PBX1: variants seen among roughly 807,000 people sequenced by gnomAD.
PBX1 encodes the protein PBX homeobox 1.
A neutral mutation model predicts 53.4 loss-of-function variants in PBX1; 6 were observed. The observed-to-expected ratio is 0.11, with a 90% CI of 0.06 to 0.22. The LOEUF (loss-of-function observed/expected upper bound fraction) is 0.22, where lower values mean the gene tolerates loss of function less well. PBX1 is among the 10% of genes least tolerant of loss of function. The probability of loss-of-function intolerance (pLI) is 1.00; values close to 1 mark genes in which losing one functional copy is unlikely to be tolerated. For synonymous variants in PBX1, 204 were observed against 212.3 expected (o/e 0.96, Z 0.34); for missense variants, 251 against 551.4 (o/e 0.46, Z 5.46).
intron 2 of PBX1, among the ~76,000 whole-genome samples, chr1:164,623,494 C>T (rs186016020): frequency 1.4e-4 from 21 of 152,336 alleles, no homozygotes; most frequent in Non-Finnish European, 2.6e-4. Context: ...GGTCTAATTC[C>T]CACACAGGTG....
rs184985844 is a variant in PBX1, at chr1:164,788,574, A to G, written c.266-3920A>G. ...CACAGCCCAAATCCACCAGAACTGA[A>G]TTTTCTATGCAAAATAGTGCAAGAT... is the stretch of plus-strand genomic sequence containing the variant. On this transcript the variant is annotated intron_variant, in intron 2 of 8. Transcript: ENST00000420696. Among the ~76,000 whole-genome samples, 105 of 152,044 alleles carry G rather than the reference A, an allele frequency of 6.9e-4. 1 individual carries two copies. In the East Asian group the frequency reaches 0.015, roughly 21 times the overall value.
At position 164,848,433 on chromosome 1, in the gene PBX1, A is replaced by AAT. The variant is rs1434508850; in HGVS notation, c.*1758_*1759dup. On this transcript the variant is annotated 3_prime_UTR_variant, in exon 9 of 9. Coordinates refer to ENST00000420696, the MANE Select transcript of PBX1 (RefSeq NM_002585.4). ...TGAGAAGTTGATTTTGTTCATATCC[A>AAT]ATCTGTAAATGCGAAGTCAGGGGAA... The AAT allele has an allele frequency of 1.9e-6, 2 of 1,056,120 alleles. No individual in the cohort carries two copies. Among genetic ancestry groups the AAT allele is most frequent in the African/African-American group, 3.3e-5 (2 of 60,578 alleles). 65.4% of individuals were successfully genotyped at this position (1,056,120 alleles called of 1,614,324 possible).
At chr1:164,793,872 C>CCTT (rs1553247240) in intron 3 of PBX1, among the ~76,000 whole-genome samples, 5 of 78,214 alleles carry the variant, frequency 6.4e-5, no homozygotes, top group African/African-American at 1.5e-4. Context: ...TTTTTCCTTT[C>CCTT]TTTTTTTTTT....
chr1:164,857,389 A>C (rs1424028871), intron 2 of PBX1, among the ~76,000 whole-genome samples: 2 of 142,554 alleles, frequency 1.4e-5, no homozygotes, highest in African/African-American at 5.2e-5. Flanking sequence ...GGGGTGTGCC[A>C]CCCTCCTGGC....
chr1:164,736,900 G>A (rs1665322780), intron 2 of PBX1, among the ~76,000 whole-genome samples: 1 of 152,198 alleles, frequency 6.6e-6, no homozygotes, highest in South Asian at 2.1e-4. Flanking sequence ...AAAGGAGAGT[G>A]GGAATATGGT....
intron 2 of PBX1, among the ~76,000 whole-genome samples, chr1:164,790,149 G>A (rs1323414387): frequency 6.6e-6 from 1 of 152,120 alleles, no homozygotes; most frequent in Non-Finnish European, 1.5e-5. Context: ...TTCAGGGCAT[G>A]GTTACAGCAG....
Position 164,669,204 on chromosome 1 carries a change from T to C in PBX1, c.265+105893T>C, listed in dbSNP as rs1281175896. On this transcript the variant is annotated intron_variant, in intron 2 of 8. Coordinates refer to ENST00000420696, the MANE Select transcript of PBX1 (RefSeq NM_002585.4). ...GGAACACTAGTTGTGTTGGCAATTATGTTAATGGGATGCTATTAGGCTATG... is the reference window on the plus strand; with the variant it reads ...GGAACACTAGTTGTGTTGGCAATTACGTTAATGGGATGCTATTAGGCTATG... 5.3e-5 allele frequency among the ~76,000 whole-genome samples: 8 copies of C among 152,148 alleles called. No individual in the cohort carries two copies. In the South Asian group the frequency reaches 1.7e-3, roughly 32 times the overall value.
chr1:164,717,823 C>G (rs1272326333), intron 2 of PBX1, among the ~76,000 whole-genome samples: 1 of 152,142 alleles, frequency 6.6e-6, no homozygotes, highest in Admixed American at 6.5e-5. Flanking sequence ...TTAATATTAC[C>G]TGCTCCCTGT....
At chr1:164,876,949 G>T (rs190916887) in intron 2 of PBX1, among the ~76,000 whole-genome samples, 1 of 152,230 alleles carries the variant, frequency 6.6e-6, no homozygotes, top group Non-Finnish European at 1.5e-5. Context: ...TCACAGCCCC[G>T]CAGAGCCTCG....
chr1:164,793,863 T>TTTTTTC (rs142630209), intron 3 of PBX1, among the ~76,000 whole-genome samples: 26 of 129,766 alleles, frequency 2.0e-4, no homozygotes, highest in African/African-American at 5.2e-4. Context: ...TTTCTTTTTT[T>TTTTTTC]TTTCCTTTCT....
chr1:164,757,969 C>T (rs1241972111), intron 2 of PBX1, among the ~76,000 whole-genome samples: 3 of 152,238 alleles, frequency 2.0e-5, no homozygotes, highest in South Asian at 4.1e-4. Context: ...TAAAATTGTA[C>T]CTCATGGCAT....
At chr1:164,839,405 T>C (rs994668642) in intron 8 of PBX1, among the ~76,000 whole-genome samples, 4 of 152,216 alleles carry the variant, frequency 2.6e-5, no homozygotes, top group African/African-American at 9.6e-5. Flanking sequence ...CAAAAACATA[T>C]GGTGCTCACT....
At chr1:164,629,856 G>C (rs961935635) in intron 2 of PBX1, among the ~76,000 whole-genome samples, 1 of 152,122 alleles carries the variant, frequency 6.6e-6, no homozygotes, top group Non-Finnish European at 1.5e-5. Context: ...TCAAAGGTAG[G>C]AGTTTCTGTA....
intron 2 of PBX1, among the ~76,000 whole-genome samples, chr1:164,715,118 A>G (rs1664012654): frequency 6.6e-6 from 1 of 152,160 alleles, no homozygotes; most frequent in African/African-American, 2.4e-5. Context: ...GAGCTGCTCA[A>G]TAAATGTTCA....
chr1:164,594,160 A>G (rs1174062851), intron 2 of PBX1, among the ~76,000 whole-genome samples: 2 of 152,230 alleles, frequency 1.3e-5, no homozygotes, highest in African/African-American at 4.8e-5. Context: ...TTGAGCCTCT[A>G]TAAAGACATG....
intron 2 of PBX1, among the ~76,000 whole-genome samples, chr1:164,675,089 A>C (rs1012753694): frequency 2.0e-5 from 3 of 152,132 alleles, no homozygotes; most frequent in Non-Finnish European, 4.4e-5. Context: ...GGTTTGCCTG[A>C]TGTCACACAG....
Position 164,600,246 on chromosome 1 carries a change from C to CTTT in PBX1, c.265+36956_265+36958dup, listed in dbSNP as rs71097539. 1.2e-3 allele frequency among the ~76,000 whole-genome samples: 144 copies of CTTT among 121,852 alleles called. 7 individuals are homozygous for CTTT. Among genetic ancestry groups the CTTT allele is most frequent in the Non-Finnish European group, 1.6e-3 (97 of 60,212 alleles). 79.9% of individuals were successfully genotyped at this position (121,852 alleles called of 152,430 possible). On this transcript the variant is annotated intron_variant, in intron 2 of 8. Transcript: ENST00000420696. ...ATTAAGAGCCTAAAGTATGCTGCTG[C>CTTT]TTTTTTTTTTTTTTTTTTTTTTTGA...
intron 2 of PBX1, among the ~76,000 whole-genome samples, chr1:164,778,809 A>G (rs1449887162): frequency 1.3e-5 from 2 of 152,140 alleles, no homozygotes; most frequent in Non-Finnish European, 2.9e-5. Context: ...GCCAGCTGCT[A>G]CTTGGGGTTC....
intron 2 of PBX1, among the ~76,000 whole-genome samples, chr1:164,678,882 G>T (rs933962450): frequency 2.0e-5 from 3 of 152,092 alleles, no homozygotes; most frequent in East Asian, 3.9e-4. Context: ...CTCCAGGGGA[G>T]ACCTGTGTGG....
Sources: allele counts gnomAD v4.1 joint callset (sites outside exome capture counted in the v4.1 genomes callset), GRCh38; gene constraint gnomAD v4.1.1; transcripts MANE v1.5; gene names NCBI Gene and HGNC (gene_info 2026-07-23, HGNC 2026-07-21).